SORCS3: variants seen among roughly 807,000 people sequenced by gnomAD.
The protein encoded by SORCS3 is VPS10 domain-containing receptor SorCS3.
A neutral mutation model predicts 146.3 loss-of-function variants in SORCS3; 57 were observed. That is an observed-to-expected ratio of 0.39 (90% CI 0.31 to 0.49). The LOEUF is 0.49. SORCS3 is among the 20% of genes least tolerant of loss of function. The pLI is 0.92. For synonymous variants in SORCS3, 653 were observed against 618.5 expected (o/e 1.06, Z -0.83); for missense variants, 1,341 against 1,575.5 (o/e 0.85, Z 2.52).
intron 2 of SORCS3, among the ~76,000 whole-genome samples, chr10:104,851,757 A>G (rs2133553676): frequency 6.6e-6 from 1 of 152,338 alleles, no homozygotes; most frequent in South Asian, 2.1e-4. Context: ...CTGCTTATAT[A>G]TATAATGACT....
chr10:104,868,045 C>G (rs1359112860), intron 2 of SORCS3, among the ~76,000 whole-genome samples: 2 of 152,166 alleles, frequency 1.3e-5, no homozygotes, highest in Non-Finnish European at 2.9e-5. Flanking sequence ...TTCCTAGAAA[C>G]AGGAGCCCCT....
intron 9 of SORCS3, among the ~76,000 whole-genome samples, chr10:105,150,017 T>C (rs1398232160): frequency 6.6e-6 from 1 of 152,154 alleles, no homozygotes; most frequent in Non-Finnish European, 1.5e-5. Flanking sequence ...CTTGATCTTG[T>C]TTTCCATTCA....
chr10:104,719,463 G>C (rs535264531), intron 1 of SORCS3, among the ~76,000 whole-genome samples: 2 of 152,136 alleles, frequency 1.3e-5, no homozygotes, highest in Non-Finnish European at 2.9e-5. Context: ...AGAATTCCTC[G>C]ACTTCTGTAT....
At chr10:105,086,201 C>T (rs978083381) in intron 5 of SORCS3, among the ~76,000 whole-genome samples, 4 of 152,116 alleles carry the variant, frequency 2.6e-5, no homozygotes, top group Admixed American at 2.6e-4. Context: ...ACGTGACATT[C>T]CAGGGCTTCA....
chr10:105,028,898 T>G (rs1160136927), intron 4 of SORCS3, among the ~76,000 whole-genome samples: 1 of 152,192 alleles, frequency 6.6e-6, no homozygotes, highest in African/African-American at 2.4e-5. Flanking sequence ...GATCGGTACC[T>G]AAGAGCAGGG....
chr10:105,167,152 G>T, intron 12 of SORCS3, 106 bp from the exon 13 acceptor site: 3 of 842,376 alleles, frequency 3.6e-6, no homozygotes, highest in African/African-American at 1.7e-5. Context: ...CTGTTGGAAG[G>T]CTCAGAACCT....
At chr10:104,953,713 C>A (rs1018716086) in intron 3 of SORCS3, among the ~76,000 whole-genome samples, 1 of 152,148 alleles carries the variant, frequency 6.6e-6, no homozygotes, top group Non-Finnish European at 1.5e-5. Flanking sequence ...ATAGTTTTCC[C>A]AGAGTTGGTT....
intron 2 of SORCS3, among the ~76,000 whole-genome samples, chr10:104,843,944 C>T (rs1208726598): frequency 6.6e-6 from 1 of 152,158 alleles, no homozygotes; most frequent in Non-Finnish European, 1.5e-5. Context: ...CCTACTAAGT[C>T]CTGACCTGAG....
chr10:104,804,765 G>T (rs112997380), intron 1 of SORCS3, among the ~76,000 whole-genome samples: 12 of 152,294 alleles, frequency 7.9e-5, no homozygotes, highest in African/African-American at 2.6e-4. Context: ...TACCATTTAG[G>T]AAACCAGAAT....
rs772886454 is a variant in SORCS3 at position 105,167,265 on chromosome 10, A to G, written c.1817A>G (p.Asp606Gly). 1 of 1,612,490 alleles carries G rather than the reference A, an allele frequency of 6.2e-7. No individual in the cohort carries two copies. The highest frequency in any genetic ancestry group is 1.1e-5 in the South Asian group (1 of 90,966). Residue 606 changes from aspartate (D) to glycine (G), a missense_variant, in exon 13 of 27, where the codon GAT (aspartate) becomes GGT (glycine). Coordinates refer to ENST00000369701, the MANE Select transcript of SORCS3 (RefSeq NM_014978.3). ...TTGTTGTTGTTGTTCCAGATCTTTG[A>G]TGAAGAGTACAATGTCTGGTTCCTA... ...DGGNTWRQIFDEEYNVWFLDW... is the reference protein window; with the variant it reads ...DGGNTWRQIFGEEYNVWFLDW...
chr10:105,211,598 C>G (rs891387759), intron 17 of SORCS3, among the ~76,000 whole-genome samples: 2 of 152,134 alleles, frequency 1.3e-5, no homozygotes, highest in Admixed American at 6.5e-5. Flanking sequence ...ACACTACTCT[C>G]TAGTGAAAGA....
chr10:104,913,766 C>CTTT lies in SORCS3; in HGVS notation c.696-2047_696-2045dup, dbSNP rs35484660. Among the ~76,000 whole-genome samples the CTTT allele has an allele frequency of 2.8e-3, 301 of 106,426 alleles. 3 individuals carry two copies. The highest frequency in any genetic ancestry group is 0.013 in the South Asian group (39 of 3,040). The allele number at this position is 106,426 out of a possible 152,430, so 69.8% of individuals were successfully genotyped here. On this transcript the variant is annotated intron_variant, in intron 2 of 26. Coordinates refer to ENST00000369701, the MANE Select transcript of SORCS3 (RefSeq NM_014978.3). ...CTCATGAGACTAAATTATCCCCATT[C>CTTT]TTTTTTTTTTTTTTTTTTTTTTCCG...
chr10:105,247,747 AAAAGAAG>A (rs1224452489), intron 22 of SORCS3, among the ~76,000 whole-genome samples: 3 of 12,954 alleles, frequency 2.3e-4, no homozygotes, highest in African/African-American at 4.7e-4. Context: ...GATTCTGTCA[AAAAGAAG>A]AAGAAGAAGA....
chr10:105,119,155 A>G (rs2055913534), intron 7 of SORCS3, among the ~76,000 whole-genome samples: 1 of 152,178 alleles, frequency 6.6e-6, no homozygotes, highest in African/African-American at 2.4e-5. Context: ...CTCTCCAGCC[A>G]TGGCTGAAAG....
intron 6 of SORCS3, among the ~76,000 whole-genome samples, chr10:105,092,275 G>A (rs1474312858): frequency 2.0e-5 from 3 of 152,266 alleles, no homozygotes; most frequent in Non-Finnish European, 2.9e-5. Context: ...ATAAAGGCAG[G>A]CAGAAATATA....
chr10:105,150,212 G>A (rs1377015), intron 9 of SORCS3, among the ~76,000 whole-genome samples: 31,910 of 152,044 alleles, frequency 0.21, 4,034 homozygotes, highest in Middle Eastern at 0.31. Flanking sequence ...GCAACAAAGG[G>A]CAAGACAAAT....
chr10:104,975,994 G>C (rs1396497950), intron 3 of SORCS3, among the ~76,000 whole-genome samples: 1 of 152,146 alleles, frequency 6.6e-6, no homozygotes, highest in African/African-American at 2.4e-5. Context: ...TTAGGACATA[G>C]GCATGGGCAA....
intron 1 of SORCS3, among the ~76,000 whole-genome samples, chr10:104,716,985 C>G (rs1467731252): frequency 6.6e-6 from 1 of 152,202 alleles, no homozygotes; most frequent in Admixed American, 6.5e-5. Flanking sequence ...GAAGTATATT[C>G]TAGCCTTGAA....
chr10:105,203,638 C>G (rs2056586465), intron 16 of SORCS3, among the ~76,000 whole-genome samples: 1 of 152,136 alleles, frequency 6.6e-6, no homozygotes. Context: ...GGCAAAAATT[C>G]TAGCACTGAT....
Sources: allele counts gnomAD v4.1 joint callset (sites outside exome capture counted in the v4.1 genomes callset), GRCh38; gene constraint gnomAD v4.1.1; transcripts MANE v1.5; gene names NCBI Gene and HGNC (gene_info 2026-07-23, HGNC 2026-07-21).